Variants in GLS observed in about 807,000 individuals in gnomAD.
GLS encodes glutaminase kidney isoform, mitochondrial.
A neutral mutation model predicts 86.7 loss-of-function variants in GLS; 36 were observed. The ratio of observed to expected loss-of-function variants is 0.42; its 90% CI spans 0.32 to 0.55. The LOEUF is 0.55. Among genes scored for constraint, GLS ranks in the 20% least tolerant of loss-of-function variants. The pLI is 0.17. For missense variants in GLS, 528 were observed against 833.4 expected (o/e 0.63, Z 4.51); for synonymous variants, 317 against 305.9 (o/e 1.04, Z -0.38).
At chr2:190,957,325 C>CT (rs981958623) in intron 17 of GLS, among the ~76,000 whole-genome samples, 13 of 152,220 alleles carry the variant, frequency 8.5e-5, no homozygotes, top group African/African-American at 3.1e-4. Context: ...CTCCTGACCT[C>CT]AGGTAATCTG....
chr2:190,894,617 A>G (rs983548223), intron 1 of GLS, among the ~76,000 whole-genome samples: 14 of 152,218 alleles, frequency 9.2e-5, no homozygotes, highest in Admixed American at 6.5e-4. Flanking sequence ...AATTTACCCA[A>G]GGTTACACAA....
rs1293884901 is a variant in GLS, at chr2:190,880,915, G to GCAGCAC, written c.-168_-163dup. 6.2e-5 allele frequency: 57 copies of GCAGCAC among 916,810 alleles called. 1 individual carries two copies. Among genetic ancestry groups the GCAGCAC allele is most frequent in the Non-Finnish European group, 8.1e-5 (49 of 607,520 alleles). 56.8% of individuals were successfully genotyped at this position (916,810 alleles called of 1,614,324 possible). On this transcript the variant is annotated 5_prime_UTR_variant, in exon 1 of 18. Coordinates refer to ENST00000320717, the MANE Select transcript of GLS (RefSeq NM_014905.5). Reference sequence around the variant, plus strand: ...AGCAGCAGCAGCAGCAGCAGCAGCAGCAGCACCCGCATCCGCTGCGGGAGT... The same window carrying GCAGCAC: ...AGCAGCAGCAGCAGCAGCAGCAGCAGCAGCACCAGCACCCGCATCCGCTGCGGGAGT...
rs1226792158 is a variant in GLS, at chr2:190,895,285, AT to A, written c.483+38del. The stretch of plus-strand genomic sequence containing the variant: ...TATTTTTCTATCTTAACTTAAAAAA[AT>A]CAATAATAATAAATATATACAGTAT... On this transcript the variant is annotated intron_variant, in intron 2 of 17. Coordinates refer to ENST00000320717, the MANE Select transcript of GLS (RefSeq NM_014905.5). This position sits in a 1 kb window ranked among gnomAD's most constrained non-coding sequence, Gnocchi z 4.2. 7.4e-6 allele frequency: 6 copies of A among 810,362 alleles called. No homozygotes were observed. Among genetic ancestry groups the A allele is most frequent in the South Asian group, 3.2e-5 (2 of 63,094 alleles). 50.2% of individuals were successfully genotyped at this position (810,362 alleles called of 1,614,324 possible). A position where few individuals can be genotyped will look rare whatever the true frequency, so the allele number is the denominator to read the frequency against.
chr2:190,904,654 ACAC>A (rs1383534749), intron 5 of GLS, among the ~76,000 whole-genome samples: 1 of 152,154 alleles, frequency 6.6e-6, no homozygotes, highest in African/African-American at 2.4e-5. Flanking sequence ...ATAATACAGT[ACAC>A]CTATTTATAT....
intron 5 of GLS, among the ~76,000 whole-genome samples, chr2:190,904,451 G>A (rs1223411186): frequency 2.6e-5 from 4 of 151,958 alleles, no homozygotes; most frequent in African/African-American, 4.8e-5. Flanking sequence ...ATTCTGTTAC[G>A]TGAATACTTT....
intron 1 of GLS, among the ~76,000 whole-genome samples, chr2:190,893,750 A>G (rs557755247): frequency 1.3e-5 from 2 of 151,900 alleles, no homozygotes; most frequent in African/African-American, 4.8e-5. Flanking sequence ...ACGTCTGGCT[A>G]GTTTTTCTAT....
intron 6 of GLS, among the ~76,000 whole-genome samples, chr2:190,909,197 T>G (rs1215734644): frequency 7.6e-6 from 1 of 132,014 alleles, no homozygotes; most frequent in East Asian, 2.0e-4. Context: ...TTTTTATTTA[T>G]TTATTTTTAA....
intron 14 of GLS, among the ~76,000 whole-genome samples, chr2:190,942,727 A>G (rs11688967): frequency 0.46 from 70,484 of 152,062 alleles, 19,233 homozygotes; most frequent in Non-Finnish European, 0.62. Context: ...TGGCTATTGT[A>G]ACAATGAAGG....
In GLS at chr2:190,927,299, G is replaced by A. The variant is rs375407781; in HGVS notation, c.1249-7G>A. 122 of 1,596,504 alleles carry A rather than the reference G, an allele frequency of 7.6e-5. No individual in the cohort carries two copies. The highest frequency in any genetic ancestry group is 9.5e-5 in the Non-Finnish European group (112 of 1,173,380). ...AGTATGAGAATTCTGCTTTTTCTTTGTGTTAGCTGTGCTCCATTGAAGTGA... is the reference window on the plus strand; with the variant it reads ...AGTATGAGAATTCTGCTTTTTCTTTATGTTAGCTGTGCTCCATTGAAGTGA... On this transcript the variant is annotated splice_polypyrimidine_tract_variant and splice_region_variant and intron_variant, in intron 11 of 17. Coordinates refer to ENST00000320717, the MANE Select transcript of GLS (RefSeq NM_014905.5).
Position 190,895,499 on chromosome 2 carries a change from T to A in GLS, c.484-105T>A. The stretch of plus-strand genomic sequence containing the variant: ...CTAAGATGCCATATTCATGTTCAAG[T>A]GTTGGGTAGAAGTTTTTATATACAG... On this transcript the variant is annotated intron_variant, in intron 2 of 17. Coordinates refer to ENST00000320717, the MANE Select transcript of GLS (RefSeq NM_014905.5). This position sits in a 1 kb window ranked among gnomAD's most constrained non-coding sequence, Gnocchi z 4.2. 1.4e-6 allele frequency: 1 copy of A among 732,688 alleles called. No individual in the cohort carries two copies. Among genetic ancestry groups the A allele is most frequent in the East Asian group, 2.6e-5 (1 of 38,056 alleles). 45.4% of individuals were successfully genotyped at this position (732,688 alleles called of 1,614,324 possible).
rs1185773828 is a variant in GLS, at chr2:190,951,137, G to T, written c.1651-2428G>T. Among the ~76,000 whole-genome samples, 1 of 152,118 alleles carries T rather than the reference G, an allele frequency of 6.6e-6. No homozygotes were observed. The highest frequency in any genetic ancestry group is 2.4e-5 in the African/African-American group (1 of 41,430). On this transcript the variant is annotated intron_variant, in intron 14 of 17. Transcript: ENST00000320717. The surrounding 1 kb of genome is among the most constrained non-coding windows in gnomAD (Gnocchi z 4.2). Reference sequence around the variant, plus strand: ...ACAAGAAGATTGGACTGCCTTGGGAGTAGTATTTGGCAGTGGAAAGTGGGT... The same window carrying T: ...ACAAGAAGATTGGACTGCCTTGGGATTAGTATTTGGCAGTGGAAAGTGGGT...
In GLS at chr2:190,920,537, T is replaced by G. The variant is rs1558981388; in HGVS notation, c.1039-487T>G. On this transcript the variant is annotated intron_variant, in intron 7 of 17. Coordinates refer to ENST00000320717, the MANE Select transcript of GLS (RefSeq NM_014905.5). This position sits in a 1 kb window ranked among gnomAD's most constrained non-coding sequence, Gnocchi z 4.2. ...TTTGCATATACTGGAATTAAAAGAT[T>G]AGTTTTGCAACATAATTCATTTTTC... Among the ~76,000 whole-genome samples the G allele has an allele frequency of 6.6e-6, 1 of 151,884 alleles. No individual in the cohort carries two copies. Among genetic ancestry groups the G allele is most frequent in the African/African-American group, 2.4e-5 (1 of 41,434 alleles).
intron 12 of GLS, among the ~76,000 whole-genome samples, chr2:190,928,718 T>G: frequency 6.6e-6 from 1 of 151,150 alleles, no homozygotes; most frequent in Admixed American, 6.6e-5. Flanking sequence ...CTTTTTTTTT[T>G]TTTTTAAATC....
At chr2:190,929,396 G>A (rs779714399) in intron 12 of GLS, among the ~76,000 whole-genome samples, 1 of 151,928 alleles carries the variant, frequency 6.6e-6, no homozygotes, top group Non-Finnish European at 1.5e-5. Flanking sequence ...TCACAATTTA[G>A]ATGTAACTGC....
chr2:190,888,306 T>C (rs534048483), intron 1 of GLS, among the ~76,000 whole-genome samples: 2 of 152,328 alleles, frequency 1.3e-5, no homozygotes, highest in Admixed American at 1.3e-4. Flanking sequence ...TCATATTCAC[T>C]GGTACCCTTA....
chr2:190,902,151 G>A (rs1688966500), intron 5 of GLS, 125 bp downstream of exon 5: 77 of 552,570 alleles, frequency 1.4e-4, no homozygotes, highest in South Asian at 3.7e-4. Flanking sequence ...AATTTCAAAA[G>A]GTAAATAAAT....
chr2:190,936,948 T>C (rs1402506342), intron 14 of GLS, among the ~76,000 whole-genome samples: 1 of 151,292 alleles, frequency 6.6e-6, no homozygotes, highest in Non-Finnish European at 1.5e-5. Flanking sequence ...TAACGTGTGA[T>C]TTCTTCTCAA....
intron 1 of GLS, among the ~76,000 whole-genome samples, chr2:190,892,271 C>G (rs1412921581): frequency 6.6e-6 from 1 of 151,946 alleles, no homozygotes; most frequent in East Asian, 1.9e-4. Flanking sequence ...AGAAAGGAAA[C>G]GAGAGAGACA....
chr2:190,900,367 G>A (rs1000673256), intron 3 of GLS, among the ~76,000 whole-genome samples, 197 bp from the exon 4 acceptor site: 22 of 152,070 alleles, frequency 1.4e-4, no homozygotes, highest in African/African-American at 4.6e-4. Flanking sequence ...TCTCTTACAC[G>A]TTCAACAGCT....
Sources: gnomAD v4.1 joint callset for allele counts (sites outside exome capture counted in the v4.1 genomes callset) on GRCh38, gnomAD v4.1.1 for gene constraint, Gnocchi (gnomAD v3.1) non-coding constraint, MANE v1.5 for transcripts, NCBI Gene and HGNC (gene_info 2026-07-23, HGNC 2026-07-21) for gene names.